Variants in AGMO observed in about 807,000 individuals in gnomAD.
The protein encoded by AGMO is glyceryl-ether monooxygenase.
AGMO carries 75 observed loss-of-function variants against 60.2 expected under a neutral mutation model. The ratio of observed to expected loss-of-function variants is 1.25; its 90% CI spans 1.03 to 1.51. AGMO has a LOEUF of 1.51. Among genes scored for constraint, AGMO ranks in the 40% most tolerant of loss-of-function variants. AGMO has a pLI of 0.00. For synonymous variants in AGMO, 261 were observed against 177.1 expected, an observed-to-expected ratio of 1.47 and a Z score of -3.76; for missense variants, 763 against 525.5, an observed-to-expected ratio of 1.45 and a Z score of -4.42.
chr7:15,348,512 C>T (rs562985539), intron 12 of AGMO, among the ~76,000 whole-genome samples: 65 of 152,040 alleles, frequency 4.3e-4, no homozygotes, highest in African/African-American at 1.4e-3. Context: ...AAATTAAATG[C>T]CTTGGAATAT....
intron 5 of AGMO, among the ~76,000 whole-genome samples, chr7:15,398,808 A>T (rs536751304): frequency 4.6e-5 from 7 of 152,098 alleles, no homozygotes; most frequent in Non-Finnish European, 1.0e-4. Context: ...CATTATTTTT[A>T]AAAAACCCAT....
chr7:15,531,194 C>CTATATATATTG (rs1784327405), intron 3 of AGMO, among the ~76,000 whole-genome samples: 1 of 58,100 alleles, frequency 1.7e-5, no homozygotes, highest in Non-Finnish European at 3.1e-5. Context: ...TATATATATT[C>CTATATATATTG]TATATATATA....
chr7:15,513,736 T>G (rs566680006), intron 3 of AGMO, among the ~76,000 whole-genome samples: 2 of 152,338 alleles, frequency 1.3e-5, no homozygotes, highest in South Asian at 4.1e-4. Flanking sequence ...AAGACAGTTT[T>G]TATTTTTCAT....
chr7:15,449,596 T>C (rs1038246512), intron 3 of AGMO, among the ~76,000 whole-genome samples: 2 of 152,198 alleles, frequency 1.3e-5, no homozygotes, highest in African/African-American at 2.4e-5. Context: ...GGCTATACTA[T>C]ATAGCCTAGG....
chr7:15,404,727 C>T (rs1784640134), intron 5 of AGMO, among the ~76,000 whole-genome samples: 1 of 151,836 alleles, frequency 6.6e-6, no homozygotes, highest in African/African-American at 2.4e-5. Context: ...CTTTCTAAAG[C>T]TCACTGTATT....
intron 5 of AGMO, among the ~76,000 whole-genome samples, chr7:15,414,759 T>C (rs1004846953): frequency 3.9e-5 from 6 of 152,164 alleles, no homozygotes; most frequent in African/African-American, 1.2e-4. Flanking sequence ...TTTAAAGCTA[T>C]GATAATCAAT....
downstream of AGMO, among the ~76,000 whole-genome samples, chr7:15,196,713 G>C (rs940823862): frequency 6.6e-6 from 1 of 151,762 alleles, no homozygotes; most frequent in Non-Finnish European, 1.5e-5. Context: ...AGCAAAGACT[G>C]TGTCTTCCTG....
At chr7:15,237,755 A>T (rs1340116196) in intron 12 of AGMO, among the ~76,000 whole-genome samples, 1 of 152,112 alleles carries the variant, frequency 6.6e-6, no homozygotes, top group Non-Finnish European at 1.5e-5. Flanking sequence ...CAGCTTGACC[A>T]AAGTGTAGAC....
At chr7:15,344,311 G>T (rs866103014) in intron 12 of AGMO, among the ~76,000 whole-genome samples, 11 of 152,298 alleles carry the variant, frequency 7.2e-5, no homozygotes, top group Admixed American at 1.3e-4. Flanking sequence ...AACACTTACT[G>T]AGGTGCCAAC....
chr7:15,249,383 G>C (rs1002508513), intron 12 of AGMO, among the ~76,000 whole-genome samples: 1 of 152,032 alleles, frequency 6.6e-6, no homozygotes, highest in Non-Finnish European at 1.5e-5. Context: ...TTGAGGATAA[G>C]ATTATTAGAA....
At chr7:15,538,229 T>C (rs1424517363) in intron 3 of AGMO, among the ~76,000 whole-genome samples, 1 of 152,010 alleles carries the variant, frequency 6.6e-6, no homozygotes, top group African/African-American at 2.4e-5. Context: ...ACAATCACAA[T>C]GTATTATTAT....
At chr7:15,126,410 GC>G in the AGMO span, among the ~76,000 whole-genome samples, 1 of 152,040 alleles carries the variant, frequency 6.6e-6, no homozygotes, top group African/African-American at 2.4e-5. Flanking sequence ...TATTGTAGTT[GC>G]CCCTTACTGT....
chr7:15,198,241 GAGAGAGAGAGAGAGAC>G (rs1395604961), downstream of AGMO, among the ~76,000 whole-genome samples: 1,940 of 99,880 alleles, frequency 0.019, 75 homozygotes, highest in African/African-American at 0.082. Context: ...GAGAGAGAGA[GAGAGAGAGAGAGAGAC>G]AGAGACAGAG....
chr7:15,545,198 C>G (rs1048298938), intron 2 of AGMO, among the ~76,000 whole-genome samples: 1 of 151,952 alleles, frequency 6.6e-6, no homozygotes, highest in Non-Finnish European at 1.5e-5. Flanking sequence ...TTTTATGTCT[C>G]TTAAAATATT....
chr7:15,198,668 G>A (rs1237872237), downstream of AGMO, among the ~76,000 whole-genome samples: 1 of 152,128 alleles, frequency 6.6e-6, no homozygotes, highest in African/African-American at 2.4e-5. Flanking sequence ...TAGGGGGCCA[G>A]GGAATGGAGA....
At chr7:15,516,842 C>T (rs1032040583) in intron 3 of AGMO, among the ~76,000 whole-genome samples, 15 of 151,520 alleles carry the variant, frequency 9.9e-5, no homozygotes, top group African/African-American at 3.6e-4. Flanking sequence ...AGTCTGAATT[C>T]CTTCTGGCTC....
intron 5 of AGMO, among the ~76,000 whole-genome samples, chr7:15,397,095 G>C (rs1384962643): frequency 2.6e-5 from 4 of 152,226 alleles, no homozygotes; most frequent in Non-Finnish European, 5.9e-5. Context: ...ACTGGCACCC[G>C]CCAGGAAACT....
the AGMO span, among the ~76,000 whole-genome samples, chr7:15,168,363 T>C: frequency 6.6e-6 from 1 of 152,226 alleles, no homozygotes; most frequent in Non-Finnish European, 1.5e-5. Flanking sequence ...CGGGGCTTTA[T>C]AGCCCTGTAA....
At position 15,327,736 on chromosome 7, in the gene AGMO, CTTTCTTTTT is replaced by C. The variant is rs1222828707; in HGVS notation, c.1263+37769_1263+37777del. ...TCATGAAAAAATGATAAACTGATTT[CTTTCTTTTT>C]TTTTTTTTTTTTTTTTTTTTGAGAC... On this transcript the variant is annotated intron_variant, in intron 12 of 12. Coordinates refer to ENST00000342526, the MANE Select transcript of AGMO (RefSeq NM_001004320.2). Among the ~76,000 whole-genome samples the C allele has an allele frequency of 4.3e-4, 48 of 111,244 alleles. No homozygotes were observed. The South Asian group carries it at 5.4e-3, about 13-fold the overall frequency. The allele number at this position is 111,244 out of a possible 152,430, so 73.0% of individuals were successfully genotyped here. A position where few individuals can be genotyped will look rare whatever the true frequency, so the allele number is the denominator to read the frequency against.
Sources: allele counts gnomAD v4.1 joint callset (sites outside exome capture counted in the v4.1 genomes callset), GRCh38; gene constraint gnomAD v4.1.1; transcripts MANE v1.5; gene names NCBI Gene and HGNC (gene_info 2026-07-23, HGNC 2026-07-21).